SEMA5A: variants seen among roughly 807,000 people sequenced by gnomAD.
SEMA5A encodes semaphorin-5A.
In SEMA5A, 55 loss-of-function variants were observed where a neutral mutation model predicts 135.5. The ratio of observed to expected loss-of-function variants is 0.41; its 90% CI spans 0.33 to 0.51. The LOEUF is 0.51. SEMA5A is among the 20% of genes least tolerant of loss of function. The probability of loss-of-function intolerance (pLI) is 0.37; values close to 1 mark genes in which losing one functional copy is unlikely to be tolerated. For missense variants in SEMA5A, 1,290 were observed against 1,419.9 expected, an observed-to-expected ratio of 0.91 and a Z score of 1.47; for synonymous variants, 580 against 546.5, an observed-to-expected ratio of 1.06 and a Z score of -0.85.
At chr5:9,286,748 A>G (rs1163584596) in intron 5 of SEMA5A, among the ~76,000 whole-genome samples, 1 of 152,012 alleles carries the variant, frequency 6.6e-6, no homozygotes, top group African/African-American at 2.4e-5. Flanking sequence ...ACACACGTGA[A>G]TTTTTATAAT....
At position 9,042,520 on chromosome 5, in the gene SEMA5A, ATTT is replaced by A; in HGVS notation, c.*374_*376del. On this transcript the variant is annotated 3_prime_UTR_variant, in exon 23 of 23. Coordinates refer to ENST00000382496, the MANE Select transcript of SEMA5A (RefSeq NM_003966.3). ...AGCAGGTCTTTCAGAGAAAGTGCCT[ATTT>A]TCTTGAATTACAACATCATGAAGAT... 3.9e-5 allele frequency: 9 copies of A among 231,604 alleles called. No homozygotes were observed. The highest frequency in any genetic ancestry group is 1.9e-4 in the South Asian group (3 of 16,164). The allele number at this position is 231,604 out of a possible 1,614,324, so 14.3% of individuals were successfully genotyped here.
chr5:9,153,862 A>G (rs921487857), intron 12 of SEMA5A, among the ~76,000 whole-genome samples: 3 of 151,430 alleles, frequency 2.0e-5, no homozygotes, highest in African/African-American at 4.9e-5. Context: ...CCTGGCCAAC[A>G]TGGTGAAACC....
chr5:9,260,810 A>G (rs1466988048), intron 5 of SEMA5A, among the ~76,000 whole-genome samples: 33 of 58,958 alleles, frequency 5.6e-4, no homozygotes, highest in Non-Finnish European at 6.4e-4. Flanking sequence ...AAAAACTGGA[A>G]GCATTCCCTT....
chr5:9,177,973 G>A (rs1744292477), intron 11 of SEMA5A, among the ~76,000 whole-genome samples: 1 of 152,042 alleles, frequency 6.6e-6, no homozygotes, highest in Non-Finnish European at 1.5e-5. Flanking sequence ...ATAATAAATT[G>A]GAATTTACAT....
intron 5 of SEMA5A, chr5:9,265,573 T>C: frequency 2.2e-6 from 1 of 456,268 alleles, no homozygotes; most frequent in Non-Finnish European, 4.4e-6. Flanking sequence ...AAACTGCTGC[T>C]GATCTCATCT....
intron 5 of SEMA5A, among the ~76,000 whole-genome samples, chr5:9,302,497 C>T (rs977256989): frequency 6.6e-6 from 1 of 152,182 alleles, no homozygotes; most frequent in African/African-American, 2.4e-5. Flanking sequence ...TGGGGCTAAA[C>T]AACAGATAGT....
intron 1 of SEMA5A, among the ~76,000 whole-genome samples, chr5:9,481,267 C>T (rs1759866231): frequency 2.0e-5 from 3 of 152,132 alleles, no homozygotes; most frequent in South Asian, 4.2e-4. Context: ...ATTAAATATA[C>T]GTCTGGTGAA....
chr5:9,475,632 T>C (rs1759641211), intron 1 of SEMA5A, among the ~76,000 whole-genome samples: 1 of 152,224 alleles, frequency 6.6e-6, no homozygotes, highest in Non-Finnish European at 1.5e-5. Flanking sequence ...ATAACCTAAT[T>C]GTCCTGAGCA....
intron 3 of SEMA5A, among the ~76,000 whole-genome samples, chr5:9,377,208 C>T (rs1755400606): frequency 6.6e-6 from 1 of 151,756 alleles, no homozygotes; most frequent in South Asian, 2.1e-4. Flanking sequence ...AGAAACAAGT[C>T]TATATAATTG....
intron 2 of SEMA5A, among the ~76,000 whole-genome samples, chr5:9,400,708 A>G (rs1422580639): frequency 1.7e-5 from 1 of 57,372 alleles, no homozygotes; most frequent in Non-Finnish European, 3.7e-5. Context: ...GGGTTTCACC[A>G]TTTTAGCCGG....
chr5:9,250,705 C>T (rs1466549672), intron 5 of SEMA5A, among the ~76,000 whole-genome samples: 1 of 151,992 alleles, frequency 6.6e-6, no homozygotes, highest in African/African-American at 2.4e-5. Context: ...CAAAGTAATA[C>T]AATAATGATT....
intron 5 of SEMA5A, among the ~76,000 whole-genome samples, chr5:9,250,603 GA>G (rs1012607401): frequency 8.5e-5 from 13 of 152,146 alleles, no homozygotes; most frequent in Admixed American, 6.5e-4. Context: ...AAAACAAATG[GA>G]AAACCAACCA....
At chr5:9,248,344 A>G (rs1748583472) in intron 5 of SEMA5A, among the ~76,000 whole-genome samples, 2 of 152,118 alleles carry the variant, frequency 1.3e-5, no homozygotes, top group African/African-American at 4.8e-5. Flanking sequence ...GTGATTAGCC[A>G]GGGTTGGCAA....
At chr5:9,222,538 G>A (rs1747065578) in intron 8 of SEMA5A, among the ~76,000 whole-genome samples, 1 of 152,184 alleles carries the variant, frequency 6.6e-6, no homozygotes, top group South Asian at 2.1e-4. Context: ...TCATTGTCAT[G>A]CAAATTGTGC....
intron 5 of SEMA5A, among the ~76,000 whole-genome samples, chr5:9,244,695 G>T (rs562177083): frequency 6.6e-6 from 1 of 152,290 alleles, no homozygotes; most frequent in African/African-American, 2.4e-5. Context: ...ACAAATTAAC[G>T]GATGTGTTAA....
intron 3 of SEMA5A, among the ~76,000 whole-genome samples, chr5:9,375,528 AC>A (rs1259650161): frequency 6.6e-6 from 1 of 150,848 alleles, no homozygotes; most frequent in Non-Finnish European, 1.5e-5. Flanking sequence ...GAGAACACAG[AC>A]CTGCAAACAC....
intron 15 of SEMA5A, among the ~76,000 whole-genome samples, chr5:9,116,770 T>C (rs971569207): frequency 6.6e-6 from 1 of 152,248 alleles, no homozygotes; most frequent in East Asian, 1.9e-4. Context: ...ATGGAGATCA[T>C]AGTCTCCTTC....
chr5:9,408,460 T>A (rs1756983132), intron 2 of SEMA5A, among the ~76,000 whole-genome samples: 1 of 152,194 alleles, frequency 6.6e-6, no homozygotes, highest in Admixed American at 6.5e-5. Flanking sequence ...TAAGTCAAAC[T>A]TGAAGCACAG....
At chr5:9,359,346 T>C (rs1339200790) in intron 3 of SEMA5A, among the ~76,000 whole-genome samples, 1 of 152,246 alleles carries the variant, frequency 6.6e-6, no homozygotes, top group Non-Finnish European at 1.5e-5. Context: ...CTGAATGGCA[T>C]ACTGTATGTA....
Sources: allele counts gnomAD v4.1 joint callset (sites outside exome capture counted in the v4.1 genomes callset), GRCh38; gene constraint gnomAD v4.1.1; transcripts MANE v1.5; gene names NCBI Gene and HGNC (gene_info 2026-07-23, HGNC 2026-07-21).